KCNH1: variants seen among roughly 807,000 people sequenced by gnomAD.
KCNH1 encodes voltage-gated delayed rectifier potassium channel KCNH1.
A neutral mutation model predicts 69.2 loss-of-function variants in KCNH1; 27 were observed. That is an observed-to-expected ratio of 0.39 (90% CI 0.29 to 0.54). KCNH1 has a LOEUF of 0.54. Among genes scored for constraint, KCNH1 ranks in the 20% least tolerant of loss-of-function variants. The probability of loss-of-function intolerance (pLI) is 0.68; values close to 1 mark genes in which losing one functional copy is unlikely to be tolerated. For missense variants in KCNH1, 798 were observed against 1,261.6 expected, an observed-to-expected ratio of 0.63 and a Z score of 5.57; for synonymous variants, 456 against 487.7, an observed-to-expected ratio of 0.93 and a Z score of 0.86.
At chr1:211,110,355 C>G (rs1691435282) in intron 1 of KCNH1, among the ~76,000 whole-genome samples, 2 of 152,024 alleles carry the variant, frequency 1.3e-5, no homozygotes, top group South Asian at 4.2e-4. Flanking sequence ...CAATACTGAA[C>G]AATTCAGAGA....
At chr1:211,096,343 T>A (rs1691153987) in intron 3 of KCNH1, among the ~76,000 whole-genome samples, 1 of 152,016 alleles carries the variant, frequency 6.6e-6, no homozygotes, top group South Asian at 2.1e-4. Flanking sequence ...TGATTACAGG[T>A]GTGAGCCACC....
At position 210,803,953 on chromosome 1, in the gene KCNH1, C is replaced by T. The variant is rs1684479474; in HGVS notation, c.1662+14G>A. On this transcript the variant is annotated intron_variant, in intron 8 of 10. Coordinates refer to ENST00000271751, the MANE Select transcript of KCNH1 (RefSeq NM_172362.3). ...AAAGACAAATGGTTTCCCTGAGCTC[C>T]TCATCCTCCTTACCTTCTCTGTGTC... is the stretch of plus-strand genomic sequence containing the variant. The T allele has an allele frequency of 1.2e-6, 2 of 1,611,612 alleles. No homozygotes were observed. Among genetic ancestry groups the T allele is most frequent in the Non-Finnish European group, 8.5e-7 (1 of 1,178,164 alleles).
intron 5 of KCNH1, among the ~76,000 whole-genome samples, chr1:211,041,057 C>G (rs757353292): frequency 6.6e-6 from 1 of 152,216 alleles, no homozygotes; most frequent in African/African-American, 2.4e-5. Context: ...CATAAATCAA[C>G]TCAACTTTCT....
intron 1 of KCNH1, among the ~76,000 whole-genome samples, chr1:211,126,434 C>T (rs548068799): frequency 8.0e-4 from 121 of 151,460 alleles, no homozygotes; most frequent in African/African-American, 2.7e-3. Flanking sequence ...GGCCTGAACC[C>T]GGGAGGCGAA....
chr1:210,937,707 A>G (rs906104568), intron 6 of KCNH1, among the ~76,000 whole-genome samples: 2 of 152,136 alleles, frequency 1.3e-5, no homozygotes, highest in African/African-American at 2.4e-5. Flanking sequence ...GTAGCCTCCA[A>G]ATGTTTTCCT....
chr1:211,092,734 CAAAGT>C (rs1202209760), intron 3 of KCNH1, among the ~76,000 whole-genome samples: 3 of 151,980 alleles, frequency 2.0e-5, no homozygotes, highest in African/African-American at 7.3e-5. Flanking sequence ...ACAGAAAACT[CAAAGT>C]AAAGTGTCAC....
At chr1:210,959,804 C>T (rs1300285000) in intron 6 of KCNH1, among the ~76,000 whole-genome samples, 1 of 152,238 alleles carries the variant, frequency 6.6e-6, no homozygotes, top group African/African-American at 2.4e-5. Context: ...CTTCCAGGGA[C>T]AGTCTGTCAT....
chr1:210,887,064 T>A lies in KCNH1; in HGVS notation c.1462+32576A>T, dbSNP rs118156209. Among the ~76,000 whole-genome samples the A allele has an allele frequency of 3.3e-3, 497 of 152,118 alleles. 15 individuals are homozygous for A. The East Asian group carries it at 0.081, about 25-fold the overall frequency. On this transcript the variant is annotated intron_variant, in intron 7 of 10. Transcript: ENST00000271751. ...ACAGAGAACACCAAAAACATACTCC[T>A]CAAGAAGAGCAACCCCAAGACACAT... is the stretch of plus-strand genomic sequence containing the variant.
intron 8 of KCNH1, among the ~76,000 whole-genome samples, chr1:210,802,733 C>T (rs1684454763): frequency 6.6e-6 from 1 of 152,080 alleles, no homozygotes; most frequent in Non-Finnish European, 1.5e-5. Context: ...AAACAAATAA[C>T]TAGAGAGATG....
At chr1:210,856,789 A>ATATATTTATATT (rs201495463) in intron 7 of KCNH1, among the ~76,000 whole-genome samples, 7 of 122,090 alleles carry the variant, frequency 5.7e-5, no homozygotes, top group Admixed American at 1.8e-4. Context: ...TTATATATAT[A>ATATATTTATATT]TATATTTATA....
intron 10 of KCNH1, among the ~76,000 whole-genome samples, chr1:210,758,603 AG>A (rs1305547133): frequency 6.6e-6 from 1 of 152,224 alleles, no homozygotes; most frequent in Non-Finnish European, 1.5e-5. Flanking sequence ...AGCCCATCAA[AG>A]TCCCCACTGA....
intron 10 of KCNH1, among the ~76,000 whole-genome samples, chr1:210,752,195 G>A (rs1574234011): frequency 1.3e-5 from 2 of 152,290 alleles, no homozygotes; most frequent in South Asian, 4.1e-4. Flanking sequence ...AGGCTGTAAG[G>A]AATCATCGAA....
At chr1:210,763,722 C>A (rs951681285) in intron 10 of KCNH1, among the ~76,000 whole-genome samples, 15 of 152,070 alleles carry the variant, frequency 9.9e-5, no homozygotes, top group African/African-American at 3.4e-4. Context: ...ATAGACAACA[C>A]AAACAAACAG....
At chr1:210,772,113 C>T (rs1683763403) in intron 10 of KCNH1, among the ~76,000 whole-genome samples, 1 of 152,234 alleles carries the variant, frequency 6.6e-6, no homozygotes, top group Non-Finnish European at 1.5e-5. Flanking sequence ...GGTGTCACTT[C>T]TGGCTCCAAT....
intron 7 of KCNH1, among the ~76,000 whole-genome samples, chr1:210,805,532 C>T (rs953510604): frequency 6.6e-6 from 1 of 152,070 alleles, no homozygotes; most frequent in Non-Finnish European, 1.5e-5. Flanking sequence ...GATTAACCTT[C>T]ATTTTCTAGA....
intron 6 of KCNH1, among the ~76,000 whole-genome samples, chr1:211,002,363 C>CACAT (rs1689205000): frequency 6.9e-6 from 1 of 144,426 alleles, no homozygotes; most frequent in Non-Finnish European, 1.5e-5. Flanking sequence ...TACACACACA[C>CACAT]ATATATATAT....
Position 210,683,296 on chromosome 1 carries a change from A to C in KCNH1, c.2955T>G (p.Ile985Met). The change falls in exon 11 of 11, where the codon ATT becomes ATG. Residue 985 changes from isoleucine (I) to methionine (M), a missense_variant. Ile to Met is a conservative substitution (Grantham distance 10). Around this residue, in one of 4 missense-constraint regions of KCNH1, gnomAD observed 331 missense variants for 363.2 expected, o/e 0.91. Transcript: ENST00000271751. This position sits in a 1 kb window ranked among gnomAD's most constrained non-coding sequence, Gnocchi z 5.7. ...AATAGACCTCTCAGCTGGCTCCAAA[A>C]ATGTCTCTCTCTGATTCTGGGGACT... is the stretch of plus-strand genomic sequence containing the variant. Reference protein sequence around the residue: ...RPQSPESERDIFGAS With the variant: ...RPQSPESERDMFGAS 1 of 1,613,034 alleles carries C rather than the reference A, an allele frequency of 6.2e-7. No individual in the cohort carries two copies. Among genetic ancestry groups the C allele is most frequent in the Non-Finnish European group, 8.5e-7 (1 of 1,179,500 alleles).
chr1:210,834,813 GA>G (rs1685247275), intron 7 of KCNH1, among the ~76,000 whole-genome samples: 2 of 152,020 alleles, frequency 1.3e-5, no homozygotes, highest in Non-Finnish European at 2.9e-5. Context: ...GGAGGACACA[GA>G]AAAAAGATGG....
At chr1:210,923,712 C>T (rs1481700266) in intron 6 of KCNH1, among the ~76,000 whole-genome samples, 1 of 152,242 alleles carries the variant, frequency 6.6e-6, no homozygotes, top group African/African-American at 2.4e-5. Flanking sequence ...CACTTGAACA[C>T]ATTGCCTTGC....
Sources: gnomAD v4.1 joint callset for allele counts (sites outside exome capture counted in the v4.1 genomes callset) on GRCh38, gnomAD v4.1.1 for gene constraint, gnomAD v4.1.1 regional missense constraint, Gnocchi (gnomAD v3.1) non-coding constraint, MANE v1.5 for transcripts, NCBI Gene and HGNC (gene_info 2026-07-23, HGNC 2026-07-21) for gene names.